The following KCNQ1 variants were observed in gnomAD, a reference collection of about 807,000 sequenced individuals.
KCNQ1 encodes potassium voltage-gated channel subfamily Q member 1, also known as potassium voltage-gated channel subfamily KQT member 1.
Under a neutral mutation model 72.4 loss-of-function variants are expected in KCNQ1, and 49 were observed. That is an observed-to-expected ratio of 0.68 (90% confidence interval 0.54 to 0.86). The LOEUF (loss-of-function observed/expected upper bound fraction) is 0.86. KCNQ1 is among the 40% of genes least tolerant of loss of function. The probability of loss-of-function intolerance (pLI) is 0.00; values close to 1 mark genes in which losing one functional copy is unlikely to be tolerated. For synonymous variants in KCNQ1, 450 were observed against 412.6 expected (o/e 1.09, Z -1.10); for missense variants, 790 against 945.1 (o/e 0.84, Z 2.15).
intron 11 of KCNQ1, chr11:2,662,687 G>A (rs768960029): frequency 1.4e-4 from 57 of 403,546 alleles, no homozygotes; most frequent in Middle Eastern, 6.3e-4. Flanking sequence ...GGTGCCCAGC[G>A]GTGACAGCCG....
rs1013364385 is a variant in KCNQ1 at position 2,601,064 on chromosome 11, T to C, written c.1393+12210T>C. Among the ~76,000 whole-genome samples, 3 of 150,942 alleles carry C rather than the reference T, an allele frequency of 2.0e-5. No individual in the cohort carries two copies. The highest frequency in any genetic ancestry group is 7.4e-5 in the African/African-American group (3 of 40,684). On this transcript the variant is annotated intron_variant, in intron 10 of 15. Coordinates refer to ENST00000155840, the MANE Select transcript of KCNQ1 (RefSeq NM_000218.3). This position sits in a 1 kb window ranked among gnomAD's most constrained non-coding sequence, Gnocchi z 5.2. ...AATCGGGGGAGATTCTTTAAGGCCA[T>C]GCATATACCCTGCTACTTGTTAAAA...
intron 12 of KCNQ1, among the ~76,000 whole-genome samples, chr11:2,774,905 TCCCTCTGACTTGGGCTGG>T (rs1253678603): frequency 6.6e-6 from 1 of 152,104 alleles, no homozygotes; most frequent in Non-Finnish European, 1.5e-5. Context: ...CTCAATTGCC[TCCCTCTGACTTGGGCTGG>T]CCCTGCCCCA....
chr11:2,459,736 CTT>C (rs1167202424), intron 1 of KCNQ1, among the ~76,000 whole-genome samples: 11 of 152,082 alleles, frequency 7.2e-5, no homozygotes, highest in Non-Finnish European at 1.5e-4. Context: ...AGAGTTCCCC[CTT>C]TGTGTTGAGA....
chr11:2,841,807 G>A lies in KCNQ1; in HGVS notation c.1795-5960G>A, dbSNP rs535574782. On this transcript the variant is annotated intron_variant, in intron 15 of 15. Transcript: ENST00000155840. ...GAGGCCCTTGGGGGGCCAAGCATCC[G>A]TCAGTGGGCAGAGGCTGGTAAAAGT... Among the ~76,000 whole-genome samples the A allele has an allele frequency of 1.3e-4, 20 of 152,320 alleles. No individual in the cohort carries two copies. In the East Asian group the frequency reaches 2.3e-3, roughly 18 times the overall value.
At chr11:2,738,183 G>C (rs1015404601) in intron 11 of KCNQ1, among the ~76,000 whole-genome samples, 1 of 150,608 alleles carries the variant, frequency 6.6e-6, no homozygotes, top group African/African-American at 2.5e-5. Flanking sequence ...GCAGAAGTGA[G>C]CCCCTGGCTC....
rs529201628 is a variant in KCNQ1, at chr11:2,473,767, A to G, written c.386+28283A>G. On this transcript the variant is annotated intron_variant, in intron 1 of 15. Coordinates refer to ENST00000155840, the MANE Select transcript of KCNQ1 (RefSeq NM_000218.3). The surrounding 1 kb of genome is among the most constrained non-coding windows in gnomAD (Gnocchi z 6.0). The stretch of plus-strand genomic sequence containing the variant: ...GGTTGAAGCCCCCGACAGCTGGGGG[A>G]GGCATTGCTCTGCACAGGTAGGGCC... Among the ~76,000 whole-genome samples, 1 of 152,218 alleles carries G rather than the reference A, an allele frequency of 6.6e-6. No individual in the cohort carries two copies. The highest frequency in any genetic ancestry group is 1.5e-5 in the Non-Finnish European group (1 of 67,988).
rs1847759577 is a variant in KCNQ1 at position 2,537,844 on chromosome 11, C to T, written c.477+9826C>T. 6.6e-6 allele frequency among the ~76,000 whole-genome samples: 1 copy of T among 152,090 alleles called. No homozygotes were observed. Among genetic ancestry groups the T allele is most frequent in the African/African-American group, 2.4e-5 (1 of 41,404 alleles). ...AGTGTTCCCACTTCAGCCTCCTGAG[C>T]AGCTGGGACTGTGGGTGCGTGCCAC... On this transcript the variant is annotated intron_variant, in intron 2 of 15. Coordinates refer to ENST00000155840, the MANE Select transcript of KCNQ1 (RefSeq NM_000218.3). The surrounding 1 kb of genome is among the most constrained non-coding windows in gnomAD (Gnocchi z 5.2).
intron 11 of KCNQ1, chr11:2,675,134 C>A (rs930590978): frequency 2.5e-6 from 1 of 398,504 alleles, no homozygotes; most frequent in Non-Finnish European, 4.4e-6. Context: ...CCTCTTTCTC[C>A]CATCCTTCAC....
At chr11:2,789,593 C>T (rs1042882569) in intron 15 of KCNQ1, among the ~76,000 whole-genome samples, 82 of 152,306 alleles carry the variant, frequency 5.4e-4, no homozygotes, top group African/African-American at 1.9e-3. Context: ...TGTGCAGCCA[C>T]AGCACCCAGG....
In KCNQ1 at chr11:2,704,256, G is replaced by A. The variant is rs1172091542; in HGVS notation, c.1514+42175G>A. Among the ~76,000 whole-genome samples the A allele has an allele frequency of 1.2e-4, 18 of 152,212 alleles. No homozygotes were observed. The highest frequency in any genetic ancestry group is 5.9e-5 in the Non-Finnish European group (4 of 68,042). On this transcript the variant is annotated intron_variant, in intron 11 of 15. Transcript: ENST00000155840. The surrounding 1 kb of genome is among the most constrained non-coding windows in gnomAD (Gnocchi z 4.3). ...TGTTCCAGAATCTTCCGCCTCCTGT[G>A]GCCTGTGTGTCGCCTGCACCTGCAT...
At chr11:2,731,808 CAGT>C (rs906129444) in intron 11 of KCNQ1, among the ~76,000 whole-genome samples, 1 of 152,274 alleles carries the variant, frequency 6.6e-6, no homozygotes, top group Non-Finnish European at 1.5e-5. Context: ...GGGTGGAAGA[CAGT>C]GGTGGGTAAC....
At chr11:2,460,278 G>A (rs560762816) in intron 1 of KCNQ1, among the ~76,000 whole-genome samples, 24 of 152,374 alleles carry the variant, frequency 1.6e-4, no homozygotes, top group Non-Finnish European at 3.4e-4. Context: ...CGGAGCCTGT[G>A]CTGCTGGCCT....
rs918313312 is a variant in KCNQ1, at chr11:2,486,800, C to T, written c.387-41128C>T. 8.5e-5 allele frequency among the ~76,000 whole-genome samples: 13 copies of T among 152,122 alleles called. No homozygotes were observed. The highest frequency in any genetic ancestry group is 2.9e-4 in the African/African-American group (12 of 41,400). On this transcript the variant is annotated intron_variant, in intron 1 of 15. Transcript: ENST00000155840. The surrounding 1 kb of genome is among the most constrained non-coding windows in gnomAD (Gnocchi z 5.0). ...TTTTAACAACCAGATCTTGCATGAA[C>T]TCATTACCTAATCATGGGGAATCTG...
chr11:2,491,112 A>G lies in KCNQ1; in HGVS notation c.387-36816A>G, dbSNP rs1461989053. ...TCACAACACCCAAGTCCCTTTGAAT[A>G]CCTGGAAAGCTTTACCAAGAAAGAT... On this transcript the variant is annotated intron_variant, in intron 1 of 15. Coordinates refer to ENST00000155840, the MANE Select transcript of KCNQ1 (RefSeq NM_000218.3). This position sits in a 1 kb window ranked among gnomAD's most constrained non-coding sequence, Gnocchi z 4.1. Among the ~76,000 whole-genome samples the G allele has an allele frequency of 1.3e-5, 2 of 152,192 alleles. No individual in the cohort carries two copies. The highest frequency in any genetic ancestry group is 2.9e-5 in the Non-Finnish European group (2 of 68,034).
At position 2,495,153 on chromosome 11, in the gene KCNQ1, T is replaced by G. The variant is rs1846890018; in HGVS notation, c.387-32775T>G. Reference sequence around the variant, plus strand: ...AGGTGTTTTTAGTATTCTCTGATGGTAGTTTGTATTTCTGTGGGATCAGTG... The same window carrying G: ...AGGTGTTTTTAGTATTCTCTGATGGGAGTTTGTATTTCTGTGGGATCAGTG... On this transcript the variant is annotated intron_variant, in intron 1 of 15. Coordinates refer to ENST00000155840, the MANE Select transcript of KCNQ1 (RefSeq NM_000218.3). The surrounding 1 kb of genome is among the most constrained non-coding windows in gnomAD (Gnocchi z 4.6). Among the ~76,000 whole-genome samples, 1 of 152,198 alleles carries G rather than the reference T, an allele frequency of 6.6e-6. No homozygotes were observed. Among genetic ancestry groups the G allele is most frequent in the Non-Finnish European group, 1.5e-5 (1 of 68,028 alleles).
chr11:2,790,803 G>T (rs1249578914), intron 15 of KCNQ1, among the ~76,000 whole-genome samples: 19 of 152,204 alleles, frequency 1.2e-4, no homozygotes, highest in Admixed American at 1.1e-3. Context: ...AGCTCAGAGG[G>T]TGTGAGCATG....
chr11:2,705,510 G>A (rs566949260), intron 11 of KCNQ1, among the ~76,000 whole-genome samples: 162 of 152,318 alleles, frequency 1.1e-3, no homozygotes, highest in Non-Finnish European at 1.8e-3. Context: ...AACTGGGCCT[G>A]CCAGACCCAT....
intron 1 of KCNQ1, chr11:2,461,300 C>A: frequency 2.8e-6 from 2 of 706,232 alleles, no homozygotes; most frequent in Non-Finnish European, 4.0e-6. Context: ...GCTTCTCAGG[C>A]CGCCTCGCAG....
Position 2,661,890 on chromosome 11 carries a change from C to G in KCNQ1, c.1394-71C>G. 6.2e-7 allele frequency: 1 copy of G among 1,602,280 alleles called. No individual in the cohort carries two copies. Among genetic ancestry groups the G allele is most frequent in the Admixed American group, 1.7e-5 (1 of 59,980 alleles). On this transcript the variant is annotated intron_variant, in intron 10 of 15. Coordinates refer to ENST00000155840, the MANE Select transcript of KCNQ1 (RefSeq NM_000218.3). This position sits in a 1 kb window ranked among gnomAD's most constrained non-coding sequence, Gnocchi z 5.9. ...CTCCTCACCTGGCCCTGGGAGCTCA[C>G]AGGCCTGGCTCCACAGCACTGGCAG...
Sources: allele counts gnomAD v4.1 joint callset (sites outside exome capture counted in the v4.1 genomes callset), GRCh38; gene constraint gnomAD v4.1.1; non-coding constraint Gnocchi (gnomAD v3.1); transcripts MANE v1.5; gene names NCBI Gene and HGNC (gene_info 2026-07-23, HGNC 2026-07-21).